The following KLHL2 variants were observed in gnomAD, a reference collection of about 807,000 sequenced individuals.
KLHL2 encodes kelch-like protein 2.
A neutral mutation model predicts 75.8 loss-of-function variants in KLHL2; 15 were observed. That is an observed-to-expected ratio of 0.20 (90% CI 0.13 to 0.30). KLHL2 has a LOEUF of 0.30. KLHL2 is among the 10% of genes least tolerant of loss of function. KLHL2 has a pLI of 1.00. For synonymous variants in KLHL2, 214 were observed against 251.9 expected, an observed-to-expected ratio of 0.85 and a Z score of 1.42; for missense variants, 381 against 741.0, an observed-to-expected ratio of 0.51 and a Z score of 5.64.
chr4:165,277,571 A>G (rs1743224568), intron 5 of KLHL2, among the ~76,000 whole-genome samples: 1 of 152,256 alleles, frequency 6.6e-6, no homozygotes. Flanking sequence ...AATCAAGTAT[A>G]TGTCATGCAA....
Position 165,305,647 on chromosome 4 carries a change from C to A in KLHL2, c.961C>A (p.Arg321=). 1 of 1,614,064 alleles carries A rather than the reference C, an allele frequency of 6.2e-7. No homozygotes were observed. Among genetic ancestry groups the A allele is most frequent in the South Asian group, 1.1e-5 (1 of 91,082 alleles). The change falls in exon 9 of 15, where the codon CGG becomes AGG. Residue 321 remains arginine, a synonymous_variant. Coordinates refer to ENST00000226725, the MANE Select transcript of KLHL2 (RefSeq NM_007246.4). The stretch of plus-strand genomic sequence containing the variant: ...TGGGGGCCAAGCACCAAAGGCTATC[C>A]GGAGTGTGGAATGCTATGACTTTAA... The part of the protein sequence containing the change: ...VVGGQAPKAI[R]SVECYDFKEE...
chr4:165,235,571 A>G (rs201348063), intron 3 of KLHL2, among the ~76,000 whole-genome samples: 528 of 127,576 alleles, frequency 4.1e-3, no homozygotes, highest in East Asian at 8.4e-3. Context: ...TCTAACCAGT[A>G]TTTATTGGGT....
At chr4:165,238,456 GACA>G (rs1212449170) in intron 3 of KLHL2, among the ~76,000 whole-genome samples, 3 of 152,170 alleles carry the variant, frequency 2.0e-5, no homozygotes, top group Non-Finnish European at 4.4e-5. Flanking sequence ...AATCCATAAA[GACA>G]ACAAGTGCCC....
intron 4 of KLHL2, 67 bp from the exon 5 acceptor site, chr4:165,263,130 T>C (rs1741834476): frequency 2.7e-6 from 4 of 1,496,462 alleles, no homozygotes; most frequent in Admixed American, 1.7e-5. Context: ...GTGTCCTATG[T>C]AGAAGTGGTC....
intron 4 of KLHL2, among the ~76,000 whole-genome samples, chr4:165,249,293 A>G (rs914814188): frequency 6.6e-6 from 1 of 152,266 alleles, no homozygotes; most frequent in African/African-American, 2.4e-5. Context: ...CAAAATCAGA[A>G]CACTAATACA....
chr4:165,288,801 T>C (rs917735747), intron 5 of KLHL2, among the ~76,000 whole-genome samples: 2 of 151,768 alleles, frequency 1.3e-5, no homozygotes, highest in African/African-American at 4.8e-5. Context: ...CAGTATGAAA[T>C]AGCATACTGT....
chr4:165,209,249 A>C (rs1016913670), intron 1 of KLHL2, among the ~76,000 whole-genome samples: 15 of 152,212 alleles, frequency 9.9e-5, no homozygotes, highest in Non-Finnish European at 1.8e-4. Context: ...GATGGTTCAC[A>C]TCAGCAGCAT....
At chr4:165,296,519 G>C (rs772882408) in intron 6 of KLHL2, among the ~76,000 whole-genome samples, 8 of 152,192 alleles carry the variant, frequency 5.3e-5, no homozygotes, top group Non-Finnish European at 1.0e-4. Context: ...TCAGTGTGGA[G>C]GGTTACTATA....
intron 3 of KLHL2, 134 bp downstream of exon 3, chr4:165,229,047 T>G: frequency 1.7e-6 from 1 of 589,444 alleles, no homozygotes; most frequent in Non-Finnish European, 3.0e-6. Context: ...TGTTCTTGCT[T>G]TGTTCCAAAT....
chr4:165,282,458 G>A (rs568319907), intron 5 of KLHL2, among the ~76,000 whole-genome samples: 4 of 152,148 alleles, frequency 2.6e-5, no homozygotes, highest in Non-Finnish European at 5.9e-5. Context: ...TTCGTGTCCA[G>A]AAAGGTGTAA....
intron 5 of KLHL2, among the ~76,000 whole-genome samples, chr4:165,283,338 G>A (rs142589851): frequency 0.018 from 2,720 of 152,298 alleles, 76 homozygotes; most frequent in African/African-American, 0.06. Context: ...AGTCCCTTTC[G>A]CCTATGAGCC....
At chr4:165,213,183 GC>G (rs1737317792) in intron 1 of KLHL2, among the ~76,000 whole-genome samples, 1 of 152,150 alleles carries the variant, frequency 6.6e-6, no homozygotes, top group African/African-American at 2.4e-5. Flanking sequence ...CATTCTGGTT[GC>G]TACTATTCTG....
chr4:165,244,395 A>G (rs1228802916), intron 4 of KLHL2, among the ~76,000 whole-genome samples: 5 of 152,084 alleles, frequency 3.3e-5, no homozygotes, highest in Non-Finnish European at 7.4e-5. Context: ...GCACAGTAGA[A>G]TGTAGTTACT....
intron 1 of KLHL2, among the ~76,000 whole-genome samples, chr4:165,218,332 A>G (rs1560976444): frequency 6.6e-6 from 1 of 152,112 alleles, no homozygotes. Context: ...GCTCAGCCCC[A>G]GCCTTTTGCC....
chr4:165,238,540 C>T (rs1329809950), intron 3 of KLHL2, among the ~76,000 whole-genome samples: 4 of 152,128 alleles, frequency 2.6e-5, no homozygotes, highest in South Asian at 2.1e-4. Context: ...ACATATGGCA[C>T]GTTCATTGTT....
At chr4:165,311,117 A>G (rs1031543040) in intron 10 of KLHL2, among the ~76,000 whole-genome samples, 1 of 152,132 alleles carries the variant, frequency 6.6e-6, no homozygotes, top group Non-Finnish European at 1.5e-5. Context: ...TCGGCCTCCC[A>G]AAGTGCTGGG....
At chr4:165,212,088 AAT>A (rs1737234076) in intron 1 of KLHL2, among the ~76,000 whole-genome samples, 1 of 152,112 alleles carries the variant, frequency 6.6e-6, no homozygotes, top group South Asian at 2.1e-4. Context: ...ACCAAATCCA[AAT>A]GCATTTACTC....
chr4:165,229,776 G>A (rs1361230159), intron 3 of KLHL2, among the ~76,000 whole-genome samples: 64 of 152,296 alleles, frequency 4.2e-4, no homozygotes, highest in African/African-American at 1.4e-3. Flanking sequence ...AGACGTTGAC[G>A]GCTGTGATGG....
intron 2 of KLHL2, among the ~76,000 whole-genome samples, chr4:165,223,178 T>C (rs1409677960): frequency 6.6e-6 from 1 of 152,242 alleles, no homozygotes; most frequent in East Asian, 1.9e-4. Flanking sequence ...CCTGCAGTCA[T>C]ATGTAAACAA....
Sources: gnomAD v4.1 joint callset for allele counts (sites outside exome capture counted in the v4.1 genomes callset) on GRCh38, gnomAD v4.1.1 for gene constraint, MANE v1.5 for transcripts, NCBI Gene and HGNC (gene_info 2026-07-23, HGNC 2026-07-21) for gene names.